GSAP: variants seen among roughly 807,000 people sequenced by gnomAD.
GSAP encodes gamma-secretase activating protein, also known as gamma-secretase-activating protein.
In GSAP, 118 loss-of-function variants were observed where a neutral mutation model predicts 131.7. That is an observed-to-expected ratio of 0.90 (90% confidence interval 0.77 to 1.04). The LOEUF (loss-of-function observed/expected upper bound fraction) is 1.04, where lower values mean the gene tolerates loss of function less well. GSAP is among the 50% of genes least tolerant of loss of function. The pLI, the probability that GSAP is intolerant of heterozygous loss-of-function variation, is 0.00. For synonymous variants in GSAP, 381 were observed against 363.4 expected, an observed-to-expected ratio of 1.05 and a Z score of -0.55; for missense variants, 1,019 against 1,013.2, an observed-to-expected ratio of 1.01 and a Z score of -0.08.
upstream of GSAP, chr7:77,416,549 G>C: frequency 2.6e-6 from 1 of 387,962 alleles, no homozygotes. Flanking sequence ...GGCGGGTAGC[G>C]GTGGGGCGGG....
intron 22 of GSAP, chr7:77,326,652 C>T (rs1251992965): frequency 1.2e-5 from 2 of 161,724 alleles, no homozygotes; most frequent in Non-Finnish European, 2.7e-5. Context: ...CTGCATGGCT[C>T]CCTTCTACTT....
At chr7:77,334,802 C>T (rs1442120951) in intron 19 of GSAP, among the ~76,000 whole-genome samples, 1 of 151,916 alleles carries the variant, frequency 6.6e-6, no homozygotes, top group Non-Finnish European at 1.5e-5. Context: ...GAAACATACC[C>T]GGCCAGGCAT....
chr7:77,383,912 G>C (rs1798150446), intron 6 of GSAP, among the ~76,000 whole-genome samples: 1 of 152,166 alleles, frequency 6.6e-6, no homozygotes, highest in East Asian at 1.9e-4. Context: ...ATTAAAAATA[G>C]TACTAGTCAA....
rs754379382 is a variant in GSAP at position 77,314,383 on chromosome 7, T to C, written c.2196A>G (p.Ile732Met). The change falls in exon 27 of 31, where the codon ATA (isoleucine) becomes ATG (methionine). Residue 732 changes from isoleucine to methionine, a missense_variant. Ile to Met is a conservative substitution (Grantham distance 10, BLOSUM62 1). Coordinates refer to ENST00000257626, the MANE Select transcript of GSAP (RefSeq NM_017439.4). The stretch of plus-strand genomic sequence containing the variant: ...AGGGCTTCTTACCTTTCATGAGCCT[T>C]ATGACAGCTGTTTCAGTGAGAAGCA... ...GVLLLTETAV[I>M]RLMKDLDNTE... 3.1e-6 allele frequency: 5 copies of C among 1,613,730 alleles called. No homozygotes were observed. The highest frequency in any genetic ancestry group is 4.2e-6 in the Non-Finnish European group (5 of 1,179,774).
At chr7:77,412,776 CAAAAAAAAAA>C (rs34619648) in intron 1 of GSAP, among the ~76,000 whole-genome samples, 1 of 110,714 alleles carries the variant, frequency 9.0e-6, no homozygotes, top group Non-Finnish European at 1.9e-5. Context: ...ACCAGTTTGA[CAAAAAAAAAA>C]AAAAAAAAAT....
intron 12 of GSAP, among the ~76,000 whole-genome samples, chr7:77,371,431 CTTTT>C (rs71085450): frequency 8.5e-4 from 122 of 142,910 alleles, no homozygotes; most frequent in African/African-American, 1.7e-3. Flanking sequence ...CATCTTTTTT[CTTTT>C]TTTTTTTTTT....
intron 4 of GSAP, 91 bp downstream of exon 4, chr7:77,397,255 G>T (rs1800567365): frequency 1.2e-6 from 1 of 842,400 alleles, no homozygotes; most frequent in Non-Finnish European, 1.9e-6. Flanking sequence ...TATTGTTATA[G>T]AATAATTTAA....
At chr7:77,377,237 T>TCAAAAAAAAAAAAAAAA (rs759012113) in intron 9 of GSAP, 49 bp downstream of exon 9, 1 of 777,390 alleles carries the variant, frequency 1.3e-6, no homozygotes, top group Non-Finnish European at 1.6e-6. Flanking sequence ...AATATTTTTG[T>TCAAAAAAAAAAAAAAAA]AAAAAAAAAA....
chr7:77,384,116 CAGAGATGAAT>C (rs1798193751), intron 6 of GSAP, among the ~76,000 whole-genome samples: 1 of 152,204 alleles, frequency 6.6e-6, no homozygotes, highest in Non-Finnish European at 1.5e-5. Context: ...TGAGGAAAAG[CAGAGATGAAT>C]GACACCACAT....
chr7:77,353,244 T>C lies in GSAP; in HGVS notation c.1409-218A>G, dbSNP rs888757272. Among the ~76,000 whole-genome samples, 4 of 152,188 alleles carry C rather than the reference T, an allele frequency of 2.6e-5. No homozygotes were observed. In the East Asian group the frequency reaches 5.8e-4, roughly 22 times the overall value. ...TAACTTAGTACCATATCTACCCAAA[T>C]GACATTATATCATTTCATACGAAAC... On this transcript the variant is annotated intron_variant, in intron 17 of 30. Coordinates refer to ENST00000257626, the MANE Select transcript of GSAP (RefSeq NM_017439.4).
chr7:77,403,417 T>C (rs1801707218), intron 3 of GSAP, among the ~76,000 whole-genome samples: 1 of 152,162 alleles, frequency 6.6e-6, no homozygotes, highest in Non-Finnish European at 1.5e-5. Flanking sequence ...CTGTAAAAAA[T>C]TTGTAATGGA....
intron 19 of GSAP, chr7:77,331,846 TG>T (rs1393876322): frequency 6.8e-6 from 1 of 148,064 alleles, no homozygotes; most frequent in Non-Finnish European, 1.5e-5. Context: ...TTATTTATAA[TG>T]AACGTACACT....
chr7:77,405,035 A>C (rs1276000322), intron 2 of GSAP, among the ~76,000 whole-genome samples: 2 of 152,272 alleles, frequency 1.3e-5, no homozygotes, highest in Non-Finnish European at 2.9e-5. Context: ...TACTTTAAAA[A>C]GTACAGTGAT....
chr7:77,390,070 A>C lies in GSAP; in HGVS notation c.368-2622T>G, dbSNP rs557540122. Among the ~76,000 whole-genome samples the C allele has an allele frequency of 1.4e-4, 22 of 152,312 alleles. No homozygotes were observed. The East Asian group carries it at 2.1e-3, about 15-fold the overall frequency. ...CATTTTTTCATGTGTTTTTTGGCTG[A>C]ATAAATGTCTTCTTTTGAGAAAGTG... is the stretch of plus-strand genomic sequence containing the variant. On this transcript the variant is annotated intron_variant, in intron 5 of 30. Transcript: ENST00000257626.
rs1325467155 is a variant in GSAP, at chr7:77,326,237, C to T, written c.1802G>A (p.Ser601Asn). The T allele has an allele frequency of 4.3e-6, 7 of 1,613,020 alleles. No individual in the cohort carries two copies. The highest frequency in any genetic ancestry group is 5.1e-6 in the Non-Finnish European group (6 of 1,179,460). ...RLTPLLQEED[S>N]HQRLLMGLMV... ...CAGCCCCATGAGCAGCCGCTGGTGG[C>T]TGTCTTCCTCCTGCAGGAGGGGTGT... Residue 601 changes from serine to asparagine, a missense_variant, in exon 23 of 31, where the codon AGC (serine) becomes AAC (asparagine). Transcript: ENST00000257626.
chr7:77,364,718 T>C (rs1323530386), intron 12 of GSAP, among the ~76,000 whole-genome samples: 1 of 152,188 alleles, frequency 6.6e-6, no homozygotes, highest in East Asian at 1.9e-4. Context: ...AATTACATAT[T>C]CTAAGAACCA....
chr7:77,348,668 G>A (rs953217360), intron 19 of GSAP, among the ~76,000 whole-genome samples: 1 of 152,186 alleles, frequency 6.6e-6, no homozygotes. Context: ...CAAGGAAACT[G>A]TGCTAAAACA....
At chr7:77,339,082 G>A (rs772051715) in intron 19 of GSAP, among the ~76,000 whole-genome samples, 5 of 152,142 alleles carry the variant, frequency 3.3e-5, no homozygotes, top group South Asian at 2.1e-4. Context: ...TTGAGGTCAC[G>A]AGTGTCCAGA....
At chr7:77,396,037 C>G (rs145084209) in intron 5 of GSAP, among the ~76,000 whole-genome samples, 1 of 152,124 alleles carries the variant, frequency 6.6e-6, no homozygotes, top group South Asian at 2.1e-4. Flanking sequence ...TTTACAAATT[C>G]GATCTTTACA....
Sources: gnomAD v4.1 joint callset for allele counts (sites outside exome capture counted in the v4.1 genomes callset) on GRCh38, gnomAD v4.1.1 for gene constraint, MANE v1.5 for transcripts, NCBI Gene and HGNC (gene_info 2026-07-23, HGNC 2026-07-21) for gene names.